Variants in MCTP1 observed in about 807,000 individuals in gnomAD.
MCTP1 encodes the protein multiple C2 and transmembrane domain-containing protein 1.
MCTP1 carries 69 observed loss-of-function variants against 120.6 expected under a neutral mutation model. The observed-to-expected ratio is 0.57, with a 90% CI of 0.47 to 0.70. The LOEUF is 0.70. Ranked by LOEUF, MCTP1 falls within the 30% of genes least tolerant of loss-of-function variation. The probability of loss-of-function intolerance (pLI) is 0.00; values close to 1 mark genes in which losing one functional copy is unlikely to be tolerated. For missense variants in MCTP1, 1,203 were observed against 1,248.8 expected, an observed-to-expected ratio of 0.96 and a Z score of 0.55; for synonymous variants, 529 against 493.1, an observed-to-expected ratio of 1.07 and a Z score of -0.96.
intron 1 of MCTP1, among the ~76,000 whole-genome samples, chr5:95,175,974 C>T (rs970146147): frequency 2.0e-5 from 3 of 152,140 alleles, no homozygotes; most frequent in African/African-American, 4.8e-5. Context: ...ATGGACAAAA[C>T]GCAGGCTGAA....
intron 1 of MCTP1, among the ~76,000 whole-genome samples, chr5:95,250,871 AG>A (rs1395810248): frequency 2.6e-5 from 4 of 152,188 alleles, no homozygotes; most frequent in African/African-American, 9.7e-5. Context: ...GAATCTCCTC[AG>A]TATGTAGTAT....
chr5:94,708,518 T>C lies in MCTP1; in HGVS notation c.2922A>G (p.Val974=), dbSNP rs552612934. The C allele has an allele frequency of 1.2e-5, 19 of 1,586,774 alleles. No homozygotes were observed. The Admixed American group carries it at 3.2e-4, about 27-fold the overall frequency. Reference sequence around the variant, plus strand: ...AATAACGAAACCTACATACCACTTGTACATCTGAAGGGACTCTGGAAAGGA... The same window carrying C: ...AATAACGAAACCTACATACCACTTGCACATCTGAAGGGACTCTGGAAAGGA... ...LDFLSRVPSD[V]QVVQYQELKP... is the part of the protein sequence containing the mutation. Residue 974 remains valine (V), a synonymous_variant, in exon 22 of 23, where the codon GTA becomes GTG. Transcript: ENST00000515393.
chr5:94,932,035 A>G, intron 5 of MCTP1, 44 bp from the exon 6 acceptor site: 1 of 1,373,768 alleles, frequency 7.3e-7, no homozygotes, highest in South Asian at 1.2e-5. Flanking sequence ...TCACTCAAGA[A>G]CAGAATAGGG....
chr5:94,833,500 A>G (rs1241548845), intron 17 of MCTP1, among the ~76,000 whole-genome samples: 1 of 152,202 alleles, frequency 6.6e-6, no homozygotes, highest in Non-Finnish European at 1.5e-5. Flanking sequence ...GTTTTAATGA[A>G]GGGGTTGCTA....
intron 19 of MCTP1, among the ~76,000 whole-genome samples, chr5:94,777,278 G>A (rs895034218): frequency 6.6e-6 from 1 of 152,096 alleles, no homozygotes; most frequent in African/African-American, 2.4e-5. Context: ...CCAAACACTA[G>A]ATTACAATAG....
In MCTP1 at chr5:94,909,769, A is replaced by T. The variant is rs542534255; in HGVS notation, c.1522-388T>A. On this transcript the variant is annotated intron_variant, in intron 9 of 22. Coordinates refer to ENST00000515393, the MANE Select transcript of MCTP1 (RefSeq NM_024717.7). ...TAGCCAGTCAGTCATCTCAAAATAA[A>T]GGAGAATGAGGATTTTCAGAGTTTG... Among the ~76,000 whole-genome samples, 10 of 152,238 alleles carry T rather than the reference A, an allele frequency of 6.6e-5. No homozygotes were observed. The South Asian group carries it at 2.1e-3, about 32-fold the overall frequency.
At chr5:95,202,557 TAAACAATTTTC>T (rs1751185170) in intron 1 of MCTP1, among the ~76,000 whole-genome samples, 1 of 152,196 alleles carries the variant, frequency 6.6e-6, no homozygotes, top group African/African-American at 2.4e-5. Flanking sequence ...TCTTTGTAAG[TAAACAATTTTC>T]TTTTTACTGT....
At chr5:94,950,850 G>C (rs1318449719) in intron 3 of MCTP1, among the ~76,000 whole-genome samples, 2 of 151,744 alleles carry the variant, frequency 1.3e-5, no homozygotes, top group Admixed American at 1.3e-4. Context: ...GCTACTCAGA[G>C]GCAGGAGAAA....
At chr5:95,213,153 A>C (rs1225272505) in intron 1 of MCTP1, among the ~76,000 whole-genome samples, 1 of 152,220 alleles carries the variant, frequency 6.6e-6, no homozygotes, top group Non-Finnish European at 1.5e-5. Context: ...GCTGATAAGC[A>C]ACTTCAGCAA....
intron 1 of MCTP1, among the ~76,000 whole-genome samples, chr5:95,213,880 C>T (rs1353240885): frequency 6.6e-6 from 1 of 152,262 alleles, no homozygotes; most frequent in Non-Finnish European, 1.5e-5. Context: ...GGATTAAAGA[C>T]TTAAACGTTA....
At chr5:95,055,899 T>G (rs1234328925) in intron 1 of MCTP1, among the ~76,000 whole-genome samples, 1 of 152,214 alleles carries the variant, frequency 6.6e-6, no homozygotes. Flanking sequence ...AAACATTAGT[T>G]AGCTACCATG....
At chr5:94,947,599 GAGAGAGAGAGAGAGAGAGAGAGAA>G (rs1819408778) in intron 3 of MCTP1, among the ~76,000 whole-genome samples, 1 of 97,934 alleles carries the variant, frequency 1.0e-5, no homozygotes, top group African/African-American at 3.9e-5. Context: ...GAGAGAGAGA[GAGAGAGAGAGAGAGAGAGAGAGAA>G]AGAGAGACAG....
chr5:95,013,788 C>T (rs545887894), intron 2 of MCTP1, among the ~76,000 whole-genome samples: 6 of 152,200 alleles, frequency 3.9e-5, no homozygotes, highest in African/African-American at 1.4e-4. Flanking sequence ...GTTTTCAGTC[C>T]TGTTAACACA....
At chr5:94,852,964 C>G (rs1794038546) in intron 17 of MCTP1, among the ~76,000 whole-genome samples, 1 of 151,844 alleles carries the variant, frequency 6.6e-6, no homozygotes, top group Non-Finnish European at 1.5e-5. Context: ...CATAAAAGAA[C>G]AGATAACAAA....
At chr5:94,812,900 C>T (rs1275771288) in intron 17 of MCTP1, among the ~76,000 whole-genome samples, 2 of 145,422 alleles carry the variant, frequency 1.4e-5, no homozygotes, top group African/African-American at 5.0e-5. Flanking sequence ...AAAGCATTCT[C>T]TCTCTCTCTC....
At chr5:95,113,852 G>A (rs1374972573) in intron 1 of MCTP1, among the ~76,000 whole-genome samples, 1 of 152,170 alleles carries the variant, frequency 6.6e-6, no homozygotes, top group Non-Finnish European at 1.5e-5. Flanking sequence ...ACCCCAGGCT[G>A]CACAGGTCAT....
rs1254393498 is a variant in MCTP1 at position 94,909,354 on chromosome 5, A to C, written c.1549T>G (p.Trp517Gly). Reference protein sequence around the residue: ...KIMPKTLNPQWREQFDFHLYE... With the variant: ...KIMPKTLNPQGREQFDFHLYE... ...AGGTGAAAATCAAATTGTTCCCTCC[A>C]CTGAGGATTCAACGTTTTTGGCATA... The change falls in exon 10 of 23, where the codon TGG becomes GGG. Residue 517 changes from tryptophan (W) to glycine (G), a missense_variant. Physicochemically the swap from Trp to Gly is radical, Grantham distance 184. Coordinates refer to ENST00000515393, the MANE Select transcript of MCTP1 (RefSeq NM_024717.7). The C allele has an allele frequency of 6.3e-7, 1 of 1,597,286 alleles. No homozygotes were observed. Among genetic ancestry groups the C allele is most frequent in the African/African-American group, 1.4e-5 (1 of 73,826 alleles).
At chr5:94,953,989 A>AAT (rs1223164756) in intron 2 of MCTP1, among the ~76,000 whole-genome samples, 3 of 61,752 alleles carry the variant, frequency 4.9e-5, no homozygotes, top group Non-Finnish European at 8.9e-5. Flanking sequence ...TATATATACA[A>AAT]ATATATATAT....
intron 11 of MCTP1, among the ~76,000 whole-genome samples, chr5:94,893,740 A>G (rs1397284964): frequency 6.6e-6 from 1 of 152,238 alleles, no homozygotes; most frequent in African/African-American, 2.4e-5. Context: ...GATGTCAGTC[A>G]GCAAATAGGA....
Sources: allele counts gnomAD v4.1 joint callset (sites outside exome capture counted in the v4.1 genomes callset), GRCh38; gene constraint gnomAD v4.1.1; transcripts MANE v1.5; gene names NCBI Gene and HGNC (gene_info 2026-07-23, HGNC 2026-07-21).